Variants in ZNF423 observed in about 807,000 individuals in gnomAD.
The protein encoded by ZNF423 is zinc finger protein 423.
Under a neutral mutation model 95.8 loss-of-function variants are expected in ZNF423, and 12 were observed. The observed-to-expected ratio is 0.13, with a 90% CI of 0.08 to 0.20. ZNF423 has a LOEUF of 0.20. ZNF423 is among the 10% of genes least tolerant of loss of function. ZNF423 has a pLI of 1.00. For missense variants in ZNF423, 1,316 were observed against 1,737.1 expected, an observed-to-expected ratio of 0.76 and a Z score of 4.31; for synonymous variants, 749 against 711.9, an observed-to-expected ratio of 1.05 and a Z score of -0.83.
intron 3 of ZNF423, among the ~76,000 whole-genome samples, chr16:49,728,670 C>G (rs552298124): frequency 6.6e-6 from 1 of 152,330 alleles, no homozygotes; most frequent in African/African-American, 2.4e-5. Context: ...CAGACTCTCA[C>G]ATATAGCCCA....
chr16:49,833,574 C>G (rs908000046), intron 1 of ZNF423, among the ~76,000 whole-genome samples: 2 of 152,126 alleles, frequency 1.3e-5, no homozygotes, highest in Admixed American at 6.5e-5. Context: ...GTCCTGACTT[C>G]GCTCCCAGAG....
intron 5 of ZNF423, among the ~76,000 whole-genome samples, chr16:49,550,088 G>A (rs553791200): frequency 1.4e-4 from 22 of 152,186 alleles, no homozygotes; most frequent in Admixed American, 4.6e-4. Flanking sequence ...AGCTGGTCTC[G>A]AACTCCTGGC....
chr16:49,658,896 T>C (rs944970745), intron 3 of ZNF423, among the ~76,000 whole-genome samples: 1 of 152,210 alleles, frequency 6.6e-6, no homozygotes, highest in South Asian at 2.1e-4. Flanking sequence ...TCAGCCCGAG[T>C]GGCCACCACC....
At chr16:49,634,257 G>A (rs1446430034) in intron 4 of ZNF423, among the ~76,000 whole-genome samples, 2 of 149,740 alleles carry the variant, frequency 1.3e-5, no homozygotes, top group East Asian at 3.9e-4. Flanking sequence ...CACCCAGGCT[G>A]GAATGCAATG....
Position 49,730,858 on chromosome 16 carries a change from C to T in ZNF423, c.214G>A (p.Glu72Lys). The T allele has an allele frequency of 6.2e-7, 1 of 1,614,194 alleles. No homozygotes were observed. Among genetic ancestry groups the T allele is most frequent in the Non-Finnish European group, 8.5e-7 (1 of 1,180,038 alleles). Residue 72 changes from glutamate to lysine, a missense_variant, in exon 3 of 8, where the codon GAA becomes AAA. Physicochemically the swap from Glu to Lys is moderately conservative, Grantham distance 56. Coordinates refer to ENST00000563137, the MANE Select transcript of ZNF423 (RefSeq NM_001379286.1). ...CAGTGATCGCAGGTGTAAATTGATT[C>T]ATCCTCCATGTCTTCATCATCCTCA... The part of the protein sequence containing the change: ...RNEDDEDMED[E>K]SIYTCDHCQQ...
At chr16:49,584,058 T>G (rs1024639570) in intron 5 of ZNF423, among the ~76,000 whole-genome samples, 1 of 152,132 alleles carries the variant, frequency 6.6e-6, no homozygotes, top group African/African-American at 2.4e-5. Context: ...GCTTAAAAAG[T>G]CCCTTTTGTA....
At chr16:49,729,358 GA>G (rs907415486) in intron 3 of ZNF423, among the ~76,000 whole-genome samples, 1 of 152,154 alleles carries the variant, frequency 6.6e-6, no homozygotes, top group African/African-American at 2.4e-5. Flanking sequence ...CAAGTAGGAT[GA>G]GGGTCAATAG....
chr16:49,552,289 C>G (rs1408621146), intron 5 of ZNF423, among the ~76,000 whole-genome samples: 1 of 152,246 alleles, frequency 6.6e-6, no homozygotes, highest in Admixed American at 6.5e-5. Flanking sequence ...GCTCCTGCCC[C>G]TTTCTGAGCC....
At chr16:49,598,587 CACTGGGGACAAA>C (rs1292030380) in intron 5 of ZNF423, among the ~76,000 whole-genome samples, 1 of 152,212 alleles carries the variant, frequency 6.6e-6, no homozygotes, top group East Asian at 1.9e-4. Flanking sequence ...TGAGCACGCG[CACTGGGGACAAA>C]ACTGGGTAGG....
intron 3 of ZNF423, among the ~76,000 whole-genome samples, chr16:49,678,003 T>C (rs2031191284): frequency 6.6e-6 from 1 of 151,924 alleles, no homozygotes. Context: ...GCCAACATGG[T>C]GAAACCCTGT....
At chr16:49,731,543 A>C (rs1042858240) in intron 2 of ZNF423, 2 of 203,914 alleles carry the variant, frequency 9.8e-6, no homozygotes, top group Non-Finnish European at 1.7e-5. Context: ...CTGGGCATGG[A>C]ATCTCACACC....
intron 2 of ZNF423, among the ~76,000 whole-genome samples, chr16:49,743,611 A>C (rs1008431486): frequency 1.3e-5 from 2 of 152,066 alleles, no homozygotes; most frequent in African/African-American, 4.8e-5. Flanking sequence ...ATGAAGCCCG[A>C]AGCAGGCCCC....
At chr16:49,562,275 C>G (rs1436668773) in intron 5 of ZNF423, among the ~76,000 whole-genome samples, 2 of 152,228 alleles carry the variant, frequency 1.3e-5, no homozygotes, top group African/African-American at 4.8e-5. Flanking sequence ...GGACATCAGA[C>G]AGGTCTCAGT....
chr16:49,787,265 A>C (rs1021308078), intron 2 of ZNF423, among the ~76,000 whole-genome samples: 1 of 152,122 alleles, frequency 6.6e-6, no homozygotes, highest in Non-Finnish European at 1.5e-5. Flanking sequence ...GAAAATTTAC[A>C]CATGCACAGC....
At chr16:49,789,687 C>G (rs972397607) in intron 1 of ZNF423, 141 bp from the exon 2 acceptor site, 38 of 698,780 alleles carry the variant, frequency 5.4e-5, no homozygotes, top group Admixed American at 4.6e-4. Context: ...GCAAAGCCTA[C>G]AAAGAGGCCT....
At chr16:49,739,658 A>G (rs2143477457) in intron 2 of ZNF423, among the ~76,000 whole-genome samples, 1 of 146,300 alleles carries the variant, frequency 6.8e-6, no homozygotes, top group Non-Finnish European at 1.5e-5. Context: ...CAAAGTCTTT[A>G]CCCTGGAGCA....
chr16:49,832,265 A>C (rs1186262779), intron 1 of ZNF423, among the ~76,000 whole-genome samples: 1 of 152,180 alleles, frequency 6.6e-6, no homozygotes. Flanking sequence ...AAGCCAGCTG[A>C]CCGAGCTGGG....
intron 1 of ZNF423, among the ~76,000 whole-genome samples, chr16:49,797,885 C>T (rs2034523382): frequency 6.6e-6 from 1 of 151,808 alleles, no homozygotes. Flanking sequence ...GGCATCTCAC[C>T]AAAAGGAGGC....
intron 5 of ZNF423, among the ~76,000 whole-genome samples, chr16:49,593,615 G>C (rs929772505): frequency 9.9e-5 from 15 of 151,438 alleles, no homozygotes; most frequent in South Asian, 2.1e-4. Context: ...CTGACTCTCT[G>C]CCTGCAACCA....
Sources: allele counts gnomAD v4.1 joint callset (sites outside exome capture counted in the v4.1 genomes callset), GRCh38; gene constraint gnomAD v4.1.1; transcripts MANE v1.5; gene names NCBI Gene and HGNC (gene_info 2026-07-23, HGNC 2026-07-21).